CBL: variants seen among roughly 807,000 people sequenced by gnomAD.
The protein encoded by CBL is Cbl proto-oncogene, also known as E3 ubiquitin-protein ligase CBL.
CBL carries 45 observed loss-of-function variants against 96.9 expected under a neutral mutation model. That is an observed-to-expected ratio of 0.46 (90% CI 0.37 to 0.60). The LOEUF (loss-of-function observed/expected upper bound fraction) is 0.60. Among genes scored for constraint, CBL ranks in the 20% least tolerant of loss-of-function variants. The pLI is 0.00. For synonymous variants in CBL, 420 were observed against 426.8 expected (o/e 0.98, Z 0.20); for missense variants, 1,024 against 1,143.5 (o/e 0.90, Z 1.51).
Position 119,278,352 on chromosome 11 carries a change from G to T in CBL, c.1227+55G>T, listed in dbSNP as rs762760015. 5.2e-4 allele frequency: 839 copies of T among 1,599,356 alleles called. 3 individuals are homozygous for T. Among genetic ancestry groups the T allele is most frequent in the Non-Finnish European group, 6.6e-4 (772 of 1,166,878 alleles). On this transcript the variant is annotated intron_variant, in intron 8 of 15. Coordinates refer to ENST00000264033, the MANE Select transcript of CBL (RefSeq NM_005188.4). ...CTATGTAATAACCTTGGAAAATTCG[G>T]TATTATATAGCCTTTACTGATACAA...
rs552509693 is a variant in CBL at position 119,298,455 on chromosome 11, C to T, written c.2349C>T (p.Ala783=). 4.0e-5 allele frequency: 65 copies of T among 1,614,138 alleles called. No homozygotes were observed. Among genetic ancestry groups the T allele is most frequent in the African/African-American group, 3.3e-4 (25 of 75,042 alleles). Residue 783 remains alanine (A), a synonymous_variant, in exon 15 of 16, where the codon GCC becomes GCT. Coordinates refer to ENST00000264033, the MANE Select transcript of CBL (RefSeq NM_005188.4). ...GYDVPKPPVP[A]VLARRTLSDI... Reference sequence around the variant, plus strand: ...ATGTCCCAAAGCCACCTGTGCCGGCCGTGCTGGCCCGCCGAACTCTCTCAG... The same window carrying T: ...ATGTCCCAAAGCCACCTGTGCCGGCTGTGCTGGCCCGCCGAACTCTCTCAG...
intron 9 of CBL, among the ~76,000 whole-genome samples, chr11:119,283,985 C>T (rs1949960810): frequency 1.3e-5 from 2 of 151,964 alleles, no homozygotes; most frequent in Admixed American, 1.3e-4. Context: ...ACTCAAGATG[C>T]TTTTTAGTGA....
At chr11:119,288,952 A>G (rs894166478) in intron 12 of CBL, among the ~76,000 whole-genome samples, 4 of 152,236 alleles carry the variant, frequency 2.6e-5, no homozygotes, top group African/African-American at 9.6e-5. Flanking sequence ...TTCAAAATAC[A>G]TACTTTTTCT....
At chr11:119,274,214 A>G (rs1484788103) in intron 4 of CBL, among the ~76,000 whole-genome samples, 190 bp downstream of exon 4, 1 of 151,968 alleles carries the variant, frequency 6.6e-6, no homozygotes. Context: ...GTGTGTATGT[A>G]TATATAGTGA....
chr11:119,262,987 A>G (rs1592392523), intron 2 of CBL, among the ~76,000 whole-genome samples: 1 of 152,218 alleles, frequency 6.6e-6, no homozygotes, highest in Non-Finnish European at 1.5e-5. Flanking sequence ...AAATTATTTA[A>G]TGTCACTAAG....
At chr11:119,241,003 G>T (rs1949583039) in intron 2 of CBL, among the ~76,000 whole-genome samples, 1 of 152,144 alleles carries the variant, frequency 6.6e-6, no homozygotes, top group African/African-American at 2.4e-5. Context: ...AACCTGGGAG[G>T]TGGAGGTTGC....
At chr11:119,244,033 A>G (rs1223140673) in intron 2 of CBL, among the ~76,000 whole-genome samples, 1 of 152,160 alleles carries the variant, frequency 6.6e-6, no homozygotes, top group Non-Finnish European at 1.5e-5. Flanking sequence ...CTGACCTCAG[A>G]TTCTTTTTAA....
intron 1 of CBL, among the ~76,000 whole-genome samples, chr11:119,224,975 T>C (rs1372173032): frequency 6.6e-6 from 1 of 152,098 alleles, no homozygotes; most frequent in Non-Finnish European, 1.5e-5. Flanking sequence ...AAACCCATGT[T>C]GTTGAAGGGT....
chr11:119,207,425 T>C lies in CBL; in HGVS notation c.195+813T>C, dbSNP rs539686325. Among the ~76,000 whole-genome samples the C allele has an allele frequency of 2.0e-5, 3 of 152,350 alleles. No individual in the cohort carries two copies. The East Asian group carries it at 5.8e-4, about 29-fold the overall frequency. ...CTACTACATCGCTTGAGCTGGGTTC[T>C]TTTTTTCTGGTAACGGTTCTGACTC... On this transcript the variant is annotated intron_variant, in intron 1 of 15. Transcript: ENST00000264033.
At chr11:119,249,107 T>G (rs886864968) in intron 2 of CBL, among the ~76,000 whole-genome samples, 11 of 152,134 alleles carry the variant, frequency 7.2e-5, no homozygotes, top group Non-Finnish European at 1.6e-4. Flanking sequence ...CCCAAAGAAT[T>G]GAAAGCAAGG....
chr11:119,256,728 C>T lies in CBL; in HGVS notation c.444-15007C>T, dbSNP rs138385469. Among the ~76,000 whole-genome samples the T allele has an allele frequency of 5.6e-3, 854 of 151,434 alleles. 8 individuals are homozygous for T. The highest frequency in any genetic ancestry group is 0.016 in the African/African-American group (650 of 41,270). Reference sequence around the variant, plus strand: ...ATCCCTCCCTGCCCTCCCACCTCCCCGCTTCTGAGTCTCTAAAGTCCATTA... The same window carrying T: ...ATCCCTCCCTGCCCTCCCACCTCCCTGCTTCTGAGTCTCTAAAGTCCATTA... On this transcript the variant is annotated intron_variant, in intron 2 of 15. Transcript: ENST00000264033.
At chr11:119,290,519 G>A (rs1211185198) in intron 12 of CBL, among the ~76,000 whole-genome samples, 1 of 150,148 alleles carries the variant, frequency 6.7e-6, no homozygotes, top group Non-Finnish European at 1.5e-5. Flanking sequence ...AGGCATGGTG[G>A]TGGGCACCTG....
intron 2 of CBL, among the ~76,000 whole-genome samples, chr11:119,239,312 G>T (rs1003706316): frequency 3.3e-5 from 5 of 152,044 alleles, no homozygotes; most frequent in Non-Finnish European, 7.4e-5. Flanking sequence ...ATGTTTTGTA[G>T]TTTTCAGTGT....
chr11:119,248,536 A>G (rs1200242758), intron 2 of CBL, among the ~76,000 whole-genome samples: 1 of 152,246 alleles, frequency 6.6e-6, no homozygotes, highest in Non-Finnish European at 1.5e-5. Flanking sequence ...TTTAAGAACT[A>G]AAATACAAAA....
chr11:119,210,247 G>A (rs1949305604), intron 1 of CBL, among the ~76,000 whole-genome samples: 1 of 151,878 alleles, frequency 6.6e-6, no homozygotes, highest in Non-Finnish European at 1.5e-5. Flanking sequence ...TATTAGCCAG[G>A]CGTGGTGGTG....
chr11:119,285,488 A>G lies in CBL; in HGVS notation c.1863A>G (p.Pro621=), dbSNP rs781552673. 6.2e-7 allele frequency: 1 copy of G among 1,614,160 alleles called. No individual in the cohort carries two copies. The highest frequency in any genetic ancestry group is 8.5e-7 in the Non-Finnish European group (1 of 1,180,034). The change falls in exon 11 of 16, where the codon CCA becomes CCG. Residue 621 remains proline, a synonymous_variant. Transcript: ENST00000264033. The part of the protein sequence containing the change: ...GRELTNRHSL[P]FSLPSQMEPR... ...AATTAACCAACCGGCACTCACTTCC[A>G]TTTTCATTGCCCTCACAAATGGAGC...
chr11:119,257,604 A>G (rs1299438555), intron 2 of CBL, among the ~76,000 whole-genome samples: 3 of 151,930 alleles, frequency 2.0e-5, no homozygotes, highest in African/African-American at 7.3e-5. Context: ...TTGGGGTTTT[A>G]GTTATAAATT....
At position 119,304,001 on chromosome 11, in the gene CBL, C is replaced by G. The variant is rs917344507; in HGVS notation, c.*4220C>G. 1 of 233,572 alleles carries G rather than the reference C, an allele frequency of 4.3e-6. No homozygotes were observed. The highest frequency in any genetic ancestry group is 2.2e-5 in the African/African-American group (1 of 45,326). The allele number at this position is 233,572 out of a possible 1,614,324, so 14.5% of individuals were successfully genotyped here. A position where few individuals can be genotyped will look rare whatever the true frequency, so the allele number is the denominator to read the frequency against. Reference sequence around the variant, plus strand: ...TTTAGAAGGGCTGGAGGTGTGGGCCCTGTCTTCGGGTCTCAGGACCCAAAG... The same window carrying G: ...TTTAGAAGGGCTGGAGGTGTGGGCCGTGTCTTCGGGTCTCAGGACCCAAAG... On this transcript the variant is annotated 3_prime_UTR_variant, in exon 16 of 16. Coordinates refer to ENST00000264033, the MANE Select transcript of CBL (RefSeq NM_005188.4).
In CBL at chr11:119,278,189, G is replaced by T. The variant is rs571152174; in HGVS notation, c.1119G>T (p.Glu373Asp). 6 of 1,607,262 alleles carry T rather than the reference G, an allele frequency of 3.7e-6. No homozygotes were observed. Among genetic ancestry groups the T allele is most frequent in the Non-Finnish European group, 5.1e-6 (6 of 1,173,852 alleles). Reference protein sequence around the residue: ...VTQEQYELYCEMGSTFQLCKI... With the variant: ...VTQEQYELYCDMGSTFQLCKI... ...AGGAACAATATGAATTATACTGTGAGATGGGCTCCACATTCCAACTATGTA... is the reference window on the plus strand; with the variant it reads ...AGGAACAATATGAATTATACTGTGATATGGGCTCCACATTCCAACTATGTA... Residue 373 changes from glutamate to aspartate, a missense_variant, in exon 8 of 16, where the codon GAG becomes GAT. Physicochemically the swap from Glu to Asp is conservative, Grantham distance 45. Transcript: ENST00000264033.
Sources: allele counts gnomAD v4.1 joint callset (sites outside exome capture counted in the v4.1 genomes callset), GRCh38; gene constraint gnomAD v4.1.1; transcripts MANE v1.5; gene names NCBI Gene and HGNC (gene_info 2026-07-23, HGNC 2026-07-21).